CADM2: variants seen among roughly 807,000 people sequenced by gnomAD.
CADM2 encodes the protein cell adhesion molecule 2.
In CADM2, 12 loss-of-function variants were observed where a neutral mutation model predicts 49.8. That is an observed-to-expected ratio of 0.24 (90% CI 0.15 to 0.39). The LOEUF is 0.39. Among genes scored for constraint, CADM2 ranks in the 10% least tolerant of loss-of-function variants. The pLI is 1.00. For missense variants in CADM2, 378 were observed against 492.3 expected (o/e 0.77, Z 2.20); for synonymous variants, 214 against 175.4 (o/e 1.22, Z -1.74).
intron 1 of CADM2, among the ~76,000 whole-genome samples, chr3:85,539,890 G>A (rs1276853176): frequency 6.6e-6 from 1 of 152,060 alleles, no homozygotes; most frequent in Non-Finnish European, 1.5e-5. Context: ...AATTGCCTCT[G>A]TGACTGCAAA....
intron 3 of CADM2, among the ~76,000 whole-genome samples, chr3:85,820,733 A>AG (rs1213929511): frequency 6.6e-6 from 1 of 152,124 alleles, no homozygotes; most frequent in Non-Finnish European, 1.5e-5. Context: ...TGGAGTCCAC[A>AG]GACAAGCAAG....
chr3:85,960,258 TAGAA>T (rs767622467), intron 7 of CADM2, among the ~76,000 whole-genome samples: 5 of 151,948 alleles, frequency 3.3e-5, no homozygotes, highest in Non-Finnish European at 7.4e-5. Flanking sequence ...TCCTTCCTCT[TAGAA>T]AGGATGCCAT....
At chr3:85,631,299 G>GTATA (rs2064298233) in intron 1 of CADM2, among the ~76,000 whole-genome samples, 1 of 151,960 alleles carries the variant, frequency 6.6e-6, no homozygotes, top group Non-Finnish European at 1.5e-5. Context: ...ATACTGTGGG[G>GTATA]TATAGTATCT....
At chr3:85,991,401 T>C (rs533502547) in intron 8 of CADM2, among the ~76,000 whole-genome samples, 1 of 152,326 alleles carries the variant, frequency 6.6e-6, no homozygotes, top group African/African-American at 2.4e-5. Context: ...TCTTCTATAG[T>C]AGGATAAAAC....
chr3:85,852,554 C>T (rs1049271474), intron 3 of CADM2, among the ~76,000 whole-genome samples: 2 of 151,836 alleles, frequency 1.3e-5, no homozygotes, highest in African/African-American at 2.4e-5. Flanking sequence ...TATTTTTAAA[C>T]ATTTAACAGG....
intron 2 of CADM2, among the ~76,000 whole-genome samples, chr3:85,783,375 C>T (rs974065574): frequency 1.3e-5 from 2 of 152,222 alleles, no homozygotes; most frequent in African/African-American, 4.8e-5. Context: ...CTCACCAACA[C>T]TTCTGCTTCT....
intron 1 of CADM2, among the ~76,000 whole-genome samples, chr3:85,169,663 CCAGGAGGCT>C (rs1169161714): frequency 1.3e-5 from 2 of 151,876 alleles, no homozygotes; most frequent in Non-Finnish European, 2.9e-5. Context: ...TCCCAGCTAC[CCAGGAGGCT>C]GAGGCAGGAG....
rs191568076 is a variant in CADM2 at position 86,060,842 on chromosome 3, C to T, written c.971-4763C>T. On this transcript the variant is annotated intron_variant, in intron 8 of 9. Coordinates refer to ENST00000383699, the MANE Select transcript of CADM2 (RefSeq NM_001167675.2). ...ACTGAAAATACAGAAATTAGCCGGG[C>T]GTGGTGGTGCACGTCTGTAGTCCCA... is the stretch of plus-strand genomic sequence containing the variant. 3.5e-3 allele frequency among the ~76,000 whole-genome samples: 528 copies of T among 151,920 alleles called. 5 individuals are homozygous for T. The highest frequency in any genetic ancestry group is 5.9e-3 in the Non-Finnish European group (402 of 67,970).
chr3:85,861,002 A>T (rs778010542), intron 3 of CADM2, among the ~76,000 whole-genome samples: 1 of 152,178 alleles, frequency 6.6e-6, no homozygotes, highest in Non-Finnish European at 1.5e-5. Context: ...ATGAGGTCAC[A>T]GAAGTGATGG....
intron 1 of CADM2, among the ~76,000 whole-genome samples, chr3:85,530,108 C>A (rs1304962829): frequency 3.9e-5 from 6 of 151,958 alleles, no homozygotes. Flanking sequence ...CAGTGCCCCC[C>A]ATACTGTTCT....
intron 1 of CADM2, among the ~76,000 whole-genome samples, chr3:85,543,420 A>ATGTGTGTGGGTGTG (rs372108050): frequency 6.5e-4 from 84 of 129,642 alleles, no homozygotes; most frequent in East Asian, 1.9e-3. Context: ...TGCCAAGCTA[A>ATGTGTGTGGGTGTG]TGTGTGTGTG....
chr3:85,339,149 C>G (rs1559787703), intron 1 of CADM2, among the ~76,000 whole-genome samples: 2 of 151,420 alleles, frequency 1.3e-5, no homozygotes, highest in Admixed American at 6.6e-5. Flanking sequence ...TGATAATAAA[C>G]CCATTTTAAA....
chr3:85,003,894 C>T (rs1368041371), intron 1 of CADM2, among the ~76,000 whole-genome samples: 2 of 152,078 alleles, frequency 1.3e-5, no homozygotes, highest in South Asian at 4.1e-4. Flanking sequence ...TGTGTCTTCT[C>T]ATCTGTAAAA....
chr3:85,404,145 G>A (rs889064386), intron 1 of CADM2, among the ~76,000 whole-genome samples: 1 of 152,060 alleles, frequency 6.6e-6, no homozygotes. Context: ...TAGCTTATAA[G>A]CTTGAATTTG....
chr3:85,574,742 A>G (rs548852105), intron 1 of CADM2, among the ~76,000 whole-genome samples: 50 of 152,286 alleles, frequency 3.3e-4, no homozygotes, highest in African/African-American at 1.2e-3. Flanking sequence ...CTTTAGCTAT[A>G]CATCTAGAGT....
intron 1 of CADM2, among the ~76,000 whole-genome samples, chr3:85,090,096 A>G (rs900771736): frequency 6.6e-5 from 10 of 152,074 alleles, no homozygotes; most frequent in Non-Finnish European, 1.0e-4. Flanking sequence ...TACATCCAGT[A>G]CATTTATATA....
At chr3:85,126,929 A>G (rs1379526274) in intron 1 of CADM2, among the ~76,000 whole-genome samples, 5 of 152,166 alleles carry the variant, frequency 3.3e-5, no homozygotes, top group Non-Finnish European at 7.4e-5. Flanking sequence ...TAATTTCATT[A>G]TGCAAATAGG....
At chr3:85,839,121 A>C (rs1334731935) in intron 3 of CADM2, among the ~76,000 whole-genome samples, 1 of 151,810 alleles carries the variant, frequency 6.6e-6, no homozygotes, top group Non-Finnish European at 1.5e-5. Flanking sequence ...TCCCTGAAGC[A>C]AATTTAACAG....
intron 1 of CADM2, among the ~76,000 whole-genome samples, chr3:85,303,571 A>T (rs1015616503): frequency 3.3e-5 from 5 of 151,964 alleles, no homozygotes; most frequent in African/African-American, 7.2e-5. Context: ...TTTGAATAAG[A>T]AACCAATGTA....
Sources: allele counts gnomAD v4.1 joint callset (sites outside exome capture counted in the v4.1 genomes callset), GRCh38; gene constraint gnomAD v4.1.1; transcripts MANE v1.5; gene names NCBI Gene and HGNC (gene_info 2026-07-23, HGNC 2026-07-21).